Variants in RBMS3 observed in about 807,000 individuals in gnomAD.
RBMS3 encodes the protein RNA binding motif single stranded interacting protein 3.
Under a neutral mutation model 66.8 loss-of-function variants are expected in RBMS3, and 27 were observed. The observed-to-expected ratio is 0.40, with a 90% CI of 0.30 to 0.56. The LOEUF (loss-of-function observed/expected upper bound fraction) is 0.56. Among genes scored for constraint, RBMS3 ranks in the 20% least tolerant of loss-of-function variants. The pLI, the probability that RBMS3 is intolerant of heterozygous loss-of-function variation, is 0.40. For missense variants in RBMS3, 513 were observed against 549.5 expected (o/e 0.93, Z 0.66); for synonymous variants, 188 against 183.0 (o/e 1.03, Z -0.22).
intron 4 of RBMS3, among the ~76,000 whole-genome samples, chr3:29,691,949 A>ATTTTTTTTTTTGTTTT (rs2052037989): frequency 1.5e-5 from 1 of 65,014 alleles, no homozygotes; most frequent in Non-Finnish European, 2.9e-5. Flanking sequence ...CTCTCTCTCT[A>ATTTTTTTTTTTGTTTT]TTTTTTTTTT....
At chr3:29,744,719 G>A (rs1466700885) in intron 5 of RBMS3, among the ~76,000 whole-genome samples, 1 of 151,278 alleles carries the variant, frequency 6.6e-6, no homozygotes, top group African/African-American at 2.4e-5. Context: ...GGGAGGTAGA[G>A]GTTGCAGTGA....
intron 6 of RBMS3, among the ~76,000 whole-genome samples, chr3:29,823,936 C>T (rs1472254488): frequency 6.6e-6 from 1 of 152,106 alleles, no homozygotes; most frequent in Non-Finnish European, 1.5e-5. Flanking sequence ...TTATTCCCTT[C>T]AGCAACACAT....
intron 2 of RBMS3, among the ~76,000 whole-genome samples, chr3:29,459,246 A>C (rs938741993): frequency 6.6e-5 from 10 of 151,922 alleles, no homozygotes; most frequent in Non-Finnish European, 1.5e-4. Context: ...TTGAAATTTC[A>C]CTCCCTCCCC....
intron 1 of RBMS3, among the ~76,000 whole-genome samples, chr3:29,384,015 T>C (rs2038889660): frequency 6.6e-6 from 1 of 152,026 alleles, no homozygotes; most frequent in Non-Finnish European, 1.5e-5. Flanking sequence ...TTGGTAATGG[T>C]GAAATTATAA....
chr3:29,898,564 T>G (rs1162512590), intron 9 of RBMS3, among the ~76,000 whole-genome samples: 1 of 151,692 alleles, frequency 6.6e-6, no homozygotes, highest in Non-Finnish European at 1.5e-5. Context: ...TTTCTTTTTC[T>G]GCACTCAGAT....
chr3:29,855,660 A>G (rs1447054034), intron 6 of RBMS3, among the ~76,000 whole-genome samples: 1 of 152,200 alleles, frequency 6.6e-6, no homozygotes, highest in Non-Finnish European at 1.5e-5. Context: ...CTTTATTAAG[A>G]AATTTAGAGA....
intron 1 of RBMS3, among the ~76,000 whole-genome samples, chr3:29,371,994 A>G (rs768175099): frequency 1.3e-5 from 2 of 152,212 alleles, no homozygotes; most frequent in Non-Finnish European, 2.9e-5. Context: ...GTTTGATGGG[A>G]GAGATTCAAA....
chr3:29,429,785 C>T (rs2041109684), intron 1 of RBMS3, among the ~76,000 whole-genome samples: 1 of 152,108 alleles, frequency 6.6e-6, no homozygotes, highest in Admixed American at 6.5e-5. Context: ...AAAATCCCTT[C>T]CTCAGTGCTC....
intron 10 of RBMS3, among the ~76,000 whole-genome samples, chr3:29,909,771 G>GT (rs1436143360): frequency 1.3e-5 from 2 of 152,046 alleles, no homozygotes; most frequent in African/African-American, 4.8e-5. Flanking sequence ...TACTGTGGGA[G>GT]TATGCGGGGC....
intron 6 of RBMS3, among the ~76,000 whole-genome samples, chr3:29,851,142 T>G (rs577120816): frequency 1.5e-3 from 223 of 152,332 alleles, no homozygotes; most frequent in Admixed American, 2.2e-3. Context: ...ACTTCACAAT[T>G]GAAGTTTTAT....
intron 4 of RBMS3, chr3:29,615,258 A>T (rs2048626697): frequency 6.6e-6 from 1 of 152,156 alleles, no homozygotes; most frequent in Non-Finnish European, 1.5e-5. Flanking sequence ...GCAATTAAAG[A>T]TCTTTCAAAC....
intron 6 of RBMS3, among the ~76,000 whole-genome samples, chr3:29,803,507 C>A (rs1415212517): frequency 6.6e-6 from 1 of 152,048 alleles, no homozygotes; most frequent in African/African-American, 2.4e-5. Flanking sequence ...AGCTAAAATT[C>A]ATTGGAATAT....
chr3:29,992,051 AAAAGT>A (rs1698911798), intron 14 of RBMS3, among the ~76,000 whole-genome samples: 2 of 152,262 alleles, frequency 1.3e-5, no homozygotes, highest in South Asian at 2.1e-4. Context: ...AAGAATTTAG[AAAAGT>A]AAAGTCTTCA....
chr3:29,936,864 A>AT (rs34368629), intron 11 of RBMS3, among the ~76,000 whole-genome samples: 2 of 151,960 alleles, frequency 1.3e-5, no homozygotes, highest in Non-Finnish European at 2.9e-5. Flanking sequence ...ACTTTGTTTG[A>AT]TTTTTTTAAA....
At chr3:29,345,161 A>G (rs969858657) in intron 1 of RBMS3, among the ~76,000 whole-genome samples, 6 of 152,208 alleles carry the variant, frequency 3.9e-5, no homozygotes, top group Admixed American at 3.3e-4. Context: ...GGGTCCTCCC[A>G]TTCATCTATA....
chr3:29,966,415 G>A (rs1008623382), intron 12 of RBMS3, among the ~76,000 whole-genome samples: 2 of 152,054 alleles, frequency 1.3e-5, no homozygotes, highest in African/African-American at 4.8e-5. Flanking sequence ...TGCTTGTAGA[G>A]GTCTTTCAAC....
intron 4 of RBMS3, among the ~76,000 whole-genome samples, chr3:29,732,208 A>G (rs1339111954): frequency 6.6e-6 from 1 of 152,166 alleles, no homozygotes; most frequent in Non-Finnish European, 1.5e-5. Flanking sequence ...ACAGGCTGTC[A>G]GGTTCAAGAC....
At chr3:29,770,756 T>C (rs2056164703) in intron 6 of RBMS3, among the ~76,000 whole-genome samples, 1 of 152,018 alleles carries the variant, frequency 6.6e-6, no homozygotes, top group African/African-American at 2.4e-5. Flanking sequence ...ATTTAGTGTC[T>C]GTCCGGATGA....
intron 8 of RBMS3, among the ~76,000 whole-genome samples, chr3:29,886,252 A>G (rs2059867157): frequency 6.6e-6 from 1 of 151,858 alleles, no homozygotes; most frequent in South Asian, 2.1e-4. Context: ...CCGAAGCAAA[A>G]TCAAAAAGTC....
Sources: allele counts gnomAD v4.1 joint callset (sites outside exome capture counted in the v4.1 genomes callset), GRCh38; gene constraint gnomAD v4.1.1; transcripts MANE v1.5; gene names NCBI Gene and HGNC (gene_info 2026-07-23, HGNC 2026-07-21).